Variants in ADCY1 observed in about 807,000 individuals in gnomAD.
ADCY1 encodes adenylate cyclase 1.
A neutral mutation model predicts 105.4 loss-of-function variants in ADCY1; 28 were observed. The ratio of observed to expected loss-of-function variants is 0.27; its 90% CI spans 0.20 to 0.36. ADCY1 has a LOEUF of 0.36. Among genes scored for constraint, ADCY1 ranks in the 10% least tolerant of loss-of-function variants. The probability of loss-of-function intolerance (pLI) is 1.00; values close to 1 mark genes in which losing one functional copy is unlikely to be tolerated. For synonymous variants in ADCY1, 655 were observed against 623.8 expected (o/e 1.05, Z -0.75); for missense variants, 977 against 1,434.2 (o/e 0.68, Z 5.15).
At chr7:45,706,196 T>A (rs1435734520) in intron 17 of ADCY1, among the ~76,000 whole-genome samples, 1 of 152,070 alleles carries the variant, frequency 6.6e-6, no homozygotes, top group Non-Finnish European at 1.5e-5. Flanking sequence ...GACAAAATGA[T>A]CCTAAGTTTT....
At chr7:45,702,481 A>G (rs1785016619) in intron 14 of ADCY1, among the ~76,000 whole-genome samples, 1 of 152,238 alleles carries the variant, frequency 6.6e-6, no homozygotes, top group Non-Finnish European at 1.5e-5. Context: ...TTTTTACTAC[A>G]TTCAAGAGTT....
chr7:45,676,350 A>G (rs934293259), intron 8 of ADCY1, among the ~76,000 whole-genome samples: 4 of 152,176 alleles, frequency 2.6e-5, no homozygotes, highest in Non-Finnish European at 4.4e-5. Flanking sequence ...CAACTCTATC[A>G]TCTTGAAGTT....
chr7:45,589,558 A>G (rs1792845602), intron 1 of ADCY1, among the ~76,000 whole-genome samples: 1 of 152,174 alleles, frequency 6.6e-6, no homozygotes, highest in African/African-American at 2.4e-5. Context: ...AGAGAGCTTC[A>G]TGGAGAGAAT....
At chr7:45,610,753 G>GTGA (rs1405324658) in intron 3 of ADCY1, among the ~76,000 whole-genome samples, 3 of 132,746 alleles carry the variant, frequency 2.3e-5, no homozygotes, top group African/African-American at 5.6e-5. Flanking sequence ...GGTGATGATG[G>GTGA]AGGTGTAGAG....
At chr7:45,706,448 T>C (rs1468533422) in intron 17 of ADCY1, among the ~76,000 whole-genome samples, 9 of 123,896 alleles carry the variant, frequency 7.3e-5, no homozygotes, top group Admixed American at 6.5e-4. Context: ...GGAGAAAGGA[T>C]AGTCTCTTCA....
rs767206006 is a variant in ADCY1, at chr7:45,592,823, C to G, written c.704C>G (p.Thr235Ser). Reference sequence around the variant, plus strand: ...TATGGGGTCTTTGTGCGGATTCTGACTGAGCGTTCACAGAGGAAGGCGTTC... The same window carrying G: ...TATGGGGTCTTTGTGCGGATTCTGAGTGAGCGTTCACAGAGGAAGGCGTTC... Reference protein sequence around the residue: ...NMYGVFVRILTERSQRKAFLQ... With the variant: ...NMYGVFVRILSERSQRKAFLQ... The change falls in exon 2 of 20, where the codon ACT (threonine) becomes AGT (serine). Residue 235 changes from threonine (T) to serine (S), a missense_variant. Transcript: ENST00000297323. 7 of 1,614,098 alleles carry G rather than the reference C, an allele frequency of 4.3e-6. No homozygotes were observed. In the African/African-American group the frequency reaches 9.3e-5, roughly 22 times the overall value.
Position 45,577,784 on chromosome 7 carries a change from T to G in ADCY1, c.639+2602T>G, listed in dbSNP as rs78338109. Among the ~76,000 whole-genome samples, 1,300 of 152,364 alleles carry G rather than the reference T, an allele frequency of 8.5e-3. 77 individuals carry two copies. The East Asian group carries it at 0.13, about 15-fold the overall frequency. ...GATCTCCACAGTGATCTCCTGGTGCTGAGCCCAGTGAGTTCCAGAGTCGGG... is the reference window on the plus strand; with the variant it reads ...GATCTCCACAGTGATCTCCTGGTGCGGAGCCCAGTGAGTTCCAGAGTCGGG... On this transcript the variant is annotated intron_variant, in intron 1 of 19. Transcript: ENST00000297323.
At chr7:45,615,622 C>CA (rs111290298) in intron 3 of ADCY1, among the ~76,000 whole-genome samples, 7 of 151,986 alleles carry the variant, frequency 4.6e-5, no homozygotes, top group African/African-American at 7.2e-5. Flanking sequence ...AACAAACAAA[C>CA]AAAAAAACCT....
rs1260333312 is a variant in ADCY1, at chr7:45,622,761, C to G, written c.1020+18C>G. 3 of 1,594,400 alleles carry G rather than the reference C, an allele frequency of 1.9e-6. No homozygotes were observed. Among genetic ancestry groups the G allele is most frequent in the South Asian group, 1.1e-5 (1 of 89,282 alleles). ...TAGCCACGGTAAGTGCAGCGTTTTT[C>G]TTTGTTCGAATTAAATTAGAATTGC... On this transcript the variant is annotated intron_variant, in intron 4 of 19. Coordinates refer to ENST00000297323, the MANE Select transcript of ADCY1 (RefSeq NM_021116.4).
intron 14 of ADCY1, among the ~76,000 whole-genome samples, chr7:45,701,943 G>A (rs919851932): frequency 6.6e-6 from 1 of 152,182 alleles, no homozygotes; most frequent in Non-Finnish European, 1.5e-5. Flanking sequence ...TAAGGGACAG[G>A]AAGAAACACC....
chr7:45,586,080 C>T (rs1792714377), intron 1 of ADCY1, among the ~76,000 whole-genome samples: 1 of 152,144 alleles, frequency 6.6e-6, no homozygotes, highest in Non-Finnish European at 1.5e-5. Context: ...ACTTCCCTGC[C>T]TTGTGTTCCT....
At chr7:45,660,322 C>G in intron 7 of ADCY1, 139 bp downstream of exon 7, 2 of 1,234,372 alleles carry the variant, frequency 1.6e-6, no homozygotes, top group Non-Finnish European at 2.3e-6. Flanking sequence ...GGAGAGTTGT[C>G]CCCACTGACA....
intron 14 of ADCY1, among the ~76,000 whole-genome samples, chr7:45,692,711 A>G (rs1354175574): frequency 6.6e-6 from 1 of 152,254 alleles, no homozygotes; most frequent in African/African-American, 2.4e-5. Context: ...ACACACACAA[A>G]TGGTAACTGC....
intron 3 of ADCY1, among the ~76,000 whole-genome samples, chr7:45,617,593 C>A (rs1793771293): frequency 6.6e-6 from 1 of 152,142 alleles, no homozygotes; most frequent in Non-Finnish European, 1.5e-5. Flanking sequence ...CAGTAGCATT[C>A]CCATACACTA....
At chr7:45,712,105 TTA>T (rs1423476804) in intron 19 of ADCY1, among the ~76,000 whole-genome samples, 1 of 135,648 alleles carries the variant, frequency 7.4e-6, no homozygotes, top group African/African-American at 2.7e-5. Context: ...TTTTATAATT[TTA>T]TAATTTTATA....
At chr7:45,646,113 TTTGGAAG>T (rs773600826) in intron 4 of ADCY1, among the ~76,000 whole-genome samples, 116 of 151,924 alleles carry the variant, frequency 7.6e-4, no homozygotes, top group Non-Finnish European at 1.4e-3. Context: ...TTGGGGGATG[TTTGGAAG>T]CAGGCCTGAA....
chr7:45,687,207 A>G (rs869065728), intron 14 of ADCY1, among the ~76,000 whole-genome samples: 5 of 152,148 alleles, frequency 3.3e-5, no homozygotes, highest in African/African-American at 1.2e-4. Context: ...TCCATGGAGT[A>G]GCAAACATGT....
chr7:45,648,276 G>A (rs576609245), intron 4 of ADCY1, among the ~76,000 whole-genome samples: 20 of 152,218 alleles, frequency 1.3e-4, no homozygotes, highest in Non-Finnish European at 2.4e-4. Flanking sequence ...AGGGCTGTCC[G>A]TGATGGTCTG....
chr7:45,598,775 G>T (rs772699794), intron 2 of ADCY1, among the ~76,000 whole-genome samples: 1 of 152,210 alleles, frequency 6.6e-6, no homozygotes, highest in East Asian at 1.9e-4. Flanking sequence ...CAAGGAAAAC[G>T]CGATTGCAAT....
Sources: allele counts gnomAD v4.1 joint callset (sites outside exome capture counted in the v4.1 genomes callset), GRCh38; gene constraint gnomAD v4.1.1; transcripts MANE v1.5; gene names NCBI Gene and HGNC (gene_info 2026-07-23, HGNC 2026-07-21).